CAMK1D: variants seen among roughly 807,000 people sequenced by gnomAD.
CAMK1D encodes the protein calcium/calmodulin dependent protein kinase ID, also known as calcium/calmodulin-dependent protein kinase type 1D.
In CAMK1D, 9 loss-of-function variants were observed where a neutral mutation model predicts 47.7. The observed-to-expected ratio is 0.19, with a 90% CI of 0.11 to 0.33. The LOEUF is 0.33. Ranked by LOEUF, CAMK1D falls within the 10% of genes least tolerant of loss-of-function variation. The pLI, the probability that CAMK1D is intolerant of heterozygous loss-of-function variation, is 1.00. For synonymous variants in CAMK1D, 184 were observed against 184.9 expected, an observed-to-expected ratio of 0.99 and a Z score of 0.04; for missense variants, 291 against 488.7, an observed-to-expected ratio of 0.60 and a Z score of 3.81.
chr10:12,800,767 T>C (rs151157331), intron 6 of CAMK1D, among the ~76,000 whole-genome samples: 49 of 152,308 alleles, frequency 3.2e-4, no homozygotes, highest in Non-Finnish European at 4.7e-4. Flanking sequence ...CTTGGCTAAG[T>C]GTTCAGAAAT....
intron 6 of CAMK1D, among the ~76,000 whole-genome samples, chr10:12,807,667 C>A (rs1838794746): frequency 6.6e-6 from 1 of 152,238 alleles, no homozygotes; most frequent in African/African-American, 2.4e-5. Context: ...CCTTGTCCTG[C>A]ATTCTTCACA....
intron 3 of CAMK1D, chr10:12,667,066 C>A (rs1840456891): frequency 2.5e-6 from 1 of 397,918 alleles, no homozygotes. Flanking sequence ...ATGTGACCTT[C>A]CTGTTGCAGG....
intron 3 of CAMK1D, among the ~76,000 whole-genome samples, chr10:12,727,185 CT>C (rs1238336588): frequency 6.6e-6 from 1 of 152,190 alleles, no homozygotes; most frequent in Non-Finnish European, 1.5e-5. Context: ...AAAACTGAGC[CT>C]CGTTTTGATG....
chr10:12,612,916 G>T (rs1481162518), intron 2 of CAMK1D, among the ~76,000 whole-genome samples: 1 of 152,096 alleles, frequency 6.6e-6, no homozygotes, highest in Non-Finnish European at 1.5e-5. Flanking sequence ...ACATGATAGG[G>T]ATCCATTTTT....
intron 1 of CAMK1D, among the ~76,000 whole-genome samples, chr10:12,391,067 C>T (rs1388246058): frequency 1.3e-5 from 2 of 152,150 alleles, no homozygotes; most frequent in African/African-American, 2.4e-5. Context: ...CCAACACTGT[C>T]TTCTCTCGTG....
chr10:12,625,323 G>A (rs879342644), intron 2 of CAMK1D, among the ~76,000 whole-genome samples: 21 of 107,114 alleles, frequency 2.0e-4, no homozygotes, highest in Non-Finnish European at 3.1e-4. Context: ...TGACAAGAGC[G>A]AAACTCCATG....
chr10:12,729,576 C>CTA (rs1158738408), intron 3 of CAMK1D, among the ~76,000 whole-genome samples: 1 of 152,094 alleles, frequency 6.6e-6, no homozygotes, highest in African/African-American at 2.4e-5. Flanking sequence ...CTGCAGTGAG[C>CTA]TATGATGTTG....
intron 1 of CAMK1D, among the ~76,000 whole-genome samples, chr10:12,425,604 C>T (rs1179242137): frequency 6.6e-6 from 1 of 152,138 alleles, no homozygotes; most frequent in Non-Finnish European, 1.5e-5. Flanking sequence ...TGCCTACGCC[C>T]TCCAGAACCT....
intron 1 of CAMK1D, among the ~76,000 whole-genome samples, chr10:12,550,023 C>T (rs1483474607): frequency 6.6e-6 from 1 of 152,148 alleles, no homozygotes; most frequent in East Asian, 1.9e-4. Flanking sequence ...CATTTCTGAT[C>T]ACAGGGATTC....
At chr10:12,696,470 G>A (rs181394548) in intron 3 of CAMK1D, among the ~76,000 whole-genome samples, 91 of 152,256 alleles carry the variant, frequency 6.0e-4, no homozygotes, top group Admixed American at 3.9e-4. Flanking sequence ...CCAGCGGGCC[G>A]AGGTTGCAGT....
intron 1 of CAMK1D, among the ~76,000 whole-genome samples, chr10:12,466,106 C>G (rs1833580516): frequency 6.6e-6 from 1 of 151,988 alleles, no homozygotes. Context: ...TCTCTTTAGG[C>G]CAGGAGTTCG....
chr10:12,424,331 C>A (rs1840155880), intron 1 of CAMK1D, among the ~76,000 whole-genome samples: 1 of 152,080 alleles, frequency 6.6e-6, no homozygotes, highest in African/African-American at 2.4e-5. Context: ...AGATGGACGT[C>A]CAGTTACAGT....
intron 1 of CAMK1D, among the ~76,000 whole-genome samples, chr10:12,447,949 T>C (rs1564345606): frequency 6.6e-6 from 1 of 152,208 alleles, no homozygotes; most frequent in Non-Finnish European, 1.5e-5. Flanking sequence ...GCCTTTGGAT[T>C]CAAGTGATTG....
At chr10:12,606,477 C>T (rs1010846254) in intron 2 of CAMK1D, among the ~76,000 whole-genome samples, 4 of 152,200 alleles carry the variant, frequency 2.6e-5, no homozygotes, top group Admixed American at 1.3e-4. Flanking sequence ...GTAGGAACCA[C>T]GGACGGCCCT....
intron 5 of CAMK1D, among the ~76,000 whole-genome samples, chr10:12,790,331 T>G (rs1162355325): frequency 6.6e-6 from 1 of 152,328 alleles, no homozygotes; most frequent in Middle Eastern, 3.4e-3. Context: ...AGGCCTTAGC[T>G]CTGAGCTCCA....
intron 2 of CAMK1D, among the ~76,000 whole-genome samples, chr10:12,655,207 G>A (rs1406307887): frequency 6.6e-6 from 1 of 152,178 alleles, no homozygotes; most frequent in African/African-American, 2.4e-5. Flanking sequence ...CACTCATGAT[G>A]GAAGGCAAAG....
intron 3 of CAMK1D, among the ~76,000 whole-genome samples, chr10:12,736,338 A>T (rs1466213319): frequency 6.6e-6 from 1 of 152,176 alleles, no homozygotes; most frequent in East Asian, 1.9e-4. Context: ...TGTACTGCCA[A>T]GTAGCCTTGC....
chr10:12,627,372 A>G (rs1226442231), intron 2 of CAMK1D, among the ~76,000 whole-genome samples: 1 of 152,206 alleles, frequency 6.6e-6, no homozygotes, highest in Non-Finnish European at 1.5e-5. Context: ...GGCGTGAGCC[A>G]CTGCGCCTGG....
chr10:12,714,760 T>TCACA (rs1286477598), intron 3 of CAMK1D, among the ~76,000 whole-genome samples: 1 of 50,356 alleles, frequency 2.0e-5, no homozygotes, highest in African/African-American at 8.7e-5. Context: ...GTACATTAAA[T>TCACA]TACACACACA....
Sources: allele counts gnomAD v4.1 joint callset (sites outside exome capture counted in the v4.1 genomes callset), GRCh38; gene constraint gnomAD v4.1.1; transcripts MANE v1.5; gene names NCBI Gene and HGNC (gene_info 2026-07-23, HGNC 2026-07-21).